SCUBE1: variants seen among roughly 807,000 people sequenced by gnomAD.
SCUBE1 encodes the protein signal peptide, CUB and EGF-like domain-containing protein 1.
In SCUBE1, 59 loss-of-function variants were observed where a neutral mutation model predicts 124.4. That is an observed-to-expected ratio of 0.47 (90% CI 0.38 to 0.59). The LOEUF is 0.59. SCUBE1 is among the 20% of genes least tolerant of loss of function. The pLI, the probability that SCUBE1 is intolerant of heterozygous loss-of-function variation, is 0.00. For missense variants in SCUBE1, 1,150 were observed against 1,371.2 expected (o/e 0.84, Z 2.55); for synonymous variants, 545 against 550.9 (o/e 0.99, Z 0.15).
intron 3 of SCUBE1, among the ~76,000 whole-genome samples, chr22:43,308,677 G>A (rs1466061288): frequency 2.6e-5 from 4 of 152,194 alleles, no homozygotes; most frequent in East Asian, 1.9e-4. Context: ...GCGCCTGCAC[G>A]GAGCATCTGG....
intron 6 of SCUBE1, among the ~76,000 whole-genome samples, chr22:43,247,775 G>A (rs905045128): frequency 2.0e-5 from 3 of 152,240 alleles, no homozygotes; most frequent in Non-Finnish European, 4.4e-5. Flanking sequence ...TGGCAGAGGG[G>A]CCCGGTCGGG....
intron 4 of SCUBE1, among the ~76,000 whole-genome samples, chr22:43,266,989 G>C (rs1038517106): frequency 6.6e-6 from 1 of 152,184 alleles, no homozygotes; most frequent in African/African-American, 2.4e-5. Flanking sequence ...GTGAAATGGG[G>C]ATGTAATAAT....
At chr22:43,325,336 G>A (rs140329533) in intron 2 of SCUBE1, among the ~76,000 whole-genome samples, 7 of 151,942 alleles carry the variant, frequency 4.6e-5, no homozygotes, top group Non-Finnish European at 1.0e-4. Context: ...CCAGCTACTC[G>A]GGAGGCTGAA....
At chr22:43,327,039 C>A (rs1294244280) in intron 2 of SCUBE1, among the ~76,000 whole-genome samples, 1 of 152,154 alleles carries the variant, frequency 6.6e-6, no homozygotes, top group Admixed American at 6.5e-5. Flanking sequence ...CAGCTTGAGC[C>A]TCAGAAACGA....
At chr22:43,208,836 A>C (rs1194653978) in intron 19 of SCUBE1, among the ~76,000 whole-genome samples, 2 of 152,200 alleles carry the variant, frequency 1.3e-5, no homozygotes, top group Non-Finnish European at 2.9e-5. Context: ...CTTTTCTCAG[A>C]CACGGTGACA....
chr22:43,229,991 T>C (rs565614384), intron 8 of SCUBE1, among the ~76,000 whole-genome samples: 3 of 152,336 alleles, frequency 2.0e-5, no homozygotes, highest in South Asian at 4.1e-4. Flanking sequence ...CATTAGCTCA[T>C]GTAATTTCAC....
intron 4 of SCUBE1, among the ~76,000 whole-genome samples, chr22:43,277,621 CTT>C (rs1297599163): frequency 1.3e-5 from 2 of 152,198 alleles, no homozygotes; most frequent in African/African-American, 2.4e-5. Context: ...GGACAAGTCT[CTT>C]TGCTTTTCAG....
intron 11 of SCUBE1, 26 bp downstream of exon 11, chr22:43,223,071 C>T: frequency 1.3e-6 from 2 of 1,509,434 alleles, no homozygotes; most frequent in Non-Finnish European, 1.8e-6. Context: ...GCCACAGCAT[C>T]CCATCTCAGG....
intron 4 of SCUBE1, among the ~76,000 whole-genome samples, chr22:43,278,901 T>C (rs1052581284): frequency 2.6e-5 from 4 of 152,058 alleles, no homozygotes; most frequent in Non-Finnish European, 4.4e-5. Flanking sequence ...CGAGGACACC[T>C]GAGCTGCGGG....
chr22:43,324,421 C>G (rs975499671), intron 2 of SCUBE1, among the ~76,000 whole-genome samples: 1 of 152,190 alleles, frequency 6.6e-6, no homozygotes, highest in African/African-American at 2.4e-5. Context: ...TCAGAACAAC[C>G]AGTTCCTCTC....
intron 3 of SCUBE1, among the ~76,000 whole-genome samples, chr22:43,308,658 T>C (rs1926062448): frequency 6.6e-6 from 1 of 152,202 alleles, no homozygotes; most frequent in Non-Finnish European, 1.5e-5. Flanking sequence ...GAGGGAGAGC[T>C]GGAGCGCGGC....
At chr22:43,269,200 G>C (rs1280391608) in intron 4 of SCUBE1, among the ~76,000 whole-genome samples, 1 of 152,114 alleles carries the variant, frequency 6.6e-6, no homozygotes, top group East Asian at 1.9e-4. Context: ...TCCTCCCGAT[G>C]GGCCCTCCCC....
At chr22:43,319,558 C>CAAAAAAAAAAAAA (rs35230785) in intron 3 of SCUBE1, among the ~76,000 whole-genome samples, 2 of 55,198 alleles carry the variant, frequency 3.6e-5, no homozygotes, top group African/African-American at 1.7e-4. Context: ...GACTCCATCT[C>CAAAAAAAAAAAAA]AAAAAAAAAA....
chr22:43,262,608 C>A, intron 5 of SCUBE1, 112 bp downstream of exon 5: 1 of 1,292,692 alleles, frequency 7.7e-7, no homozygotes, highest in South Asian at 1.3e-5. Flanking sequence ...CTCTCCACCC[C>A]ATGGGGCTGG....
chr22:43,264,439 G>A (rs1923986263), intron 4 of SCUBE1, among the ~76,000 whole-genome samples: 1 of 152,302 alleles, frequency 6.6e-6, no homozygotes, highest in South Asian at 2.1e-4. Context: ...TGGAGACAGC[G>A]TGGCTCCTCC....
At chr22:43,293,142 T>A (rs1392835750) in intron 3 of SCUBE1, among the ~76,000 whole-genome samples, 5 of 152,194 alleles carry the variant, frequency 3.3e-5, no homozygotes, top group Non-Finnish European at 7.4e-5. Context: ...TGTCTGCCCC[T>A]GGGGTCTGTC....
intron 3 of SCUBE1, among the ~76,000 whole-genome samples, chr22:43,309,303 G>A (rs1926090152): frequency 6.6e-6 from 1 of 152,174 alleles, no homozygotes; most frequent in African/African-American, 2.4e-5. Context: ...TGTCAAATAA[G>A]CACTGTTACC....
chr22:43,287,042 G>C (rs1473197290), intron 4 of SCUBE1, among the ~76,000 whole-genome samples: 1 of 152,190 alleles, frequency 6.6e-6, no homozygotes, highest in Non-Finnish European at 1.5e-5. Flanking sequence ...AAGGGTGTGT[G>C]ATGGGGGCAG....
intron 1 of SCUBE1, among the ~76,000 whole-genome samples, chr22:43,340,854 T>C (rs1927289860): frequency 6.6e-6 from 1 of 152,160 alleles, no homozygotes; most frequent in South Asian, 2.1e-4. Context: ...AAGCTTGGAA[T>C]GTCCCCATCT....
Sources: gnomAD v4.1 joint callset for allele counts (sites outside exome capture counted in the v4.1 genomes callset) on GRCh38, gnomAD v4.1.1 for gene constraint, MANE v1.5 for transcripts, NCBI Gene and HGNC (gene_info 2026-07-23, HGNC 2026-07-21) for gene names.